The following ARFGEF3 variants were observed in gnomAD, a reference collection of about 807,000 sequenced individuals.
The protein encoded by ARFGEF3 is brefeldin A-inhibited guanine nucleotide-exchange protein 3.
Under a neutral mutation model 221.7 loss-of-function variants are expected in ARFGEF3, and 96 were observed. That is an observed-to-expected ratio of 0.43 (90% CI 0.37 to 0.51). The LOEUF is 0.51. Among genes scored for constraint, ARFGEF3 ranks in the 20% least tolerant of loss-of-function variants. The pLI, the probability that ARFGEF3 is intolerant of heterozygous loss-of-function variation, is 0.00. For synonymous variants in ARFGEF3, 1,145 were observed against 1,126.8 expected, an observed-to-expected ratio of 1.02 and a Z score of -0.32; for missense variants, 2,410 against 2,789.9, an observed-to-expected ratio of 0.86 and a Z score of 3.07.
chr6:138,287,814 T>C (rs1400719451), intron 17 of ARFGEF3, among the ~76,000 whole-genome samples: 5 of 152,114 alleles, frequency 3.3e-5, no homozygotes, highest in African/African-American at 1.2e-4. Flanking sequence ...GTAACTACTA[T>C]CAGATATGTA....
At position 138,201,201 on chromosome 6, in the gene ARFGEF3, A is replaced by G. The variant is rs187686764; in HGVS notation, c.138-5841A>G. Among the ~76,000 whole-genome samples the G allele has an allele frequency of 5.5e-3, 839 of 152,350 alleles. 3 individuals carry two copies. Among genetic ancestry groups the G allele is most frequent in the South Asian group, 0.012 (56 of 4,822 alleles). Reference sequence around the variant, plus strand: ...TTTTTGTGGATGTGGTTATCAGGGAACACTTCTACACTGCTGGTGGGAATG... The same window carrying G: ...TTTTTGTGGATGTGGTTATCAGGGAGCACTTCTACACTGCTGGTGGGAATG... On this transcript the variant is annotated intron_variant, in intron 2 of 33. Transcript: ENST00000251691.
intron 2 of ARFGEF3, among the ~76,000 whole-genome samples, chr6:138,203,210 A>G (rs1010863878): frequency 6.6e-6 from 1 of 152,196 alleles, no homozygotes; most frequent in South Asian, 2.1e-4. Context: ...AAGCACATCT[A>G]TTCTAGTTTT....
chr6:138,286,677 G>T, intron 15 of ARFGEF3, 24 bp from the exon 16 acceptor site: 1 of 1,608,836 alleles, frequency 6.2e-7, no homozygotes, highest in South Asian at 1.1e-5. Context: ...TCTAGAAAAT[G>T]ACACACACCC....
chr6:138,278,551 C>T lies in ARFGEF3; in HGVS notation c.2229C>T (p.Leu743=), dbSNP rs776381980. The change falls in exon 13 of 34, where the codon CTC becomes CTT. Residue 743 remains leucine (L), a synonymous_variant. Coordinates refer to ENST00000251691, the MANE Select transcript of ARFGEF3 (RefSeq NM_020340.5). ...ACACAGCTGCACACTGCGCCCTGCT[C>T]CTCAACCTGAAGCTCTCCCACGGTG... ...SLYTAAHCAL[L]LNLKLSHGDY... is the part of the protein sequence containing the mutation. 1 of 1,613,980 alleles carries T rather than the reference C, an allele frequency of 6.2e-7. No homozygotes were observed. Among genetic ancestry groups the T allele is most frequent in the Admixed American group, 1.7e-5 (1 of 60,032 alleles).
At chr6:138,301,550 T>C (rs1280747691) in intron 22 of ARFGEF3, among the ~76,000 whole-genome samples, 1 of 152,198 alleles carries the variant, frequency 6.6e-6, no homozygotes, top group Non-Finnish European at 1.5e-5. Flanking sequence ...TCAATCTTGC[T>C]TGCCTAAAGT....
intron 12 of ARFGEF3, among the ~76,000 whole-genome samples, chr6:138,270,305 T>A (rs1013416221): frequency 6.6e-6 from 1 of 152,198 alleles, no homozygotes; most frequent in African/African-American, 2.4e-5. Context: ...CTTATTGTAA[T>A]GTCATTGGTG....
intron 24 of ARFGEF3, 56 bp downstream of exon 24, chr6:138,308,917 G>A (rs1779775844): frequency 6.8e-6 from 11 of 1,607,440 alleles, no homozygotes; most frequent in Non-Finnish European, 8.5e-6. Flanking sequence ...TTCCAGGGTG[G>A]CTCTGTGGCT....
intron 2 of ARFGEF3, among the ~76,000 whole-genome samples, chr6:138,173,096 T>C (rs1341973862): frequency 6.6e-6 from 1 of 152,112 alleles, no homozygotes; most frequent in Non-Finnish European, 1.5e-5. Context: ...ATACAATAAG[T>C]TCAAGGAGAA....
At chr6:138,268,453 T>A (rs72986877) in intron 12 of ARFGEF3, among the ~76,000 whole-genome samples, 5 of 152,330 alleles carry the variant, frequency 3.3e-5, no homozygotes, top group Non-Finnish European at 7.3e-5. Flanking sequence ...TCTCAGTGAC[T>A]CCTATCTTCA....
intron 2 of ARFGEF3, among the ~76,000 whole-genome samples, chr6:138,203,722 A>G (rs1777577564): frequency 1.3e-5 from 2 of 152,154 alleles, no homozygotes; most frequent in Admixed American, 6.5e-5. Flanking sequence ...GCTCACTGCA[A>G]CGCCTGCCTC....
At chr6:138,177,694 A>G (rs926475312) in intron 2 of ARFGEF3, among the ~76,000 whole-genome samples, 12 of 151,910 alleles carry the variant, frequency 7.9e-5, no homozygotes, top group Non-Finnish European at 1.2e-4. Flanking sequence ...GCCTCACTGT[A>G]TTATTTCAAA....
Position 138,342,361 on chromosome 6 carries a change from T to C in ARFGEF3, c.*5875T>C, listed in dbSNP as rs1158030721. ...CTACCTTTAAGATCAGCCTGACTTATCAAACGCTAGAGAAAAACTGAATCT... is the reference window on the plus strand; with the variant it reads ...CTACCTTTAAGATCAGCCTGACTTACCAAACGCTAGAGAAAAACTGAATCT... On this transcript the variant is annotated 3_prime_UTR_variant, in exon 34 of 34. Coordinates refer to ENST00000251691, the MANE Select transcript of ARFGEF3 (RefSeq NM_020340.5). 1 of 152,230 alleles carries C rather than the reference T, an allele frequency of 6.6e-6. No homozygotes were observed. Among genetic ancestry groups the C allele is most frequent in the Non-Finnish European group, 1.5e-5 (1 of 68,050 alleles). The allele number at this position is 152,230 out of a possible 1,614,324, so 9.4% of individuals were successfully genotyped here. A position where few individuals can be genotyped will look rare whatever the true frequency, so the allele number is the denominator to read the frequency against.
chr6:138,291,654 TTGTC>T lies in ARFGEF3; in HGVS notation c.3048-76_3048-73del. The T allele has an allele frequency of 9.5e-7, 1 of 1,053,474 alleles. No homozygotes were observed. The highest frequency in any genetic ancestry group is 1.2e-6 in the Non-Finnish European group (1 of 803,270). 65.3% of individuals were successfully genotyped at this position (1,053,474 alleles called of 1,614,324 possible). A position where few individuals can be genotyped will look rare whatever the true frequency, so the allele number is the denominator to read the frequency against. ...GCTTGCAGAGCTGGCTGCATTTCCT[TTGTC>T]TGGCACTGTGGGGTTTATGGAGCTG... is the stretch of plus-strand genomic sequence containing the variant. On this transcript the variant is annotated intron_variant, in intron 18 of 33. Transcript: ENST00000251691. The surrounding 1 kb of genome is among the most constrained non-coding windows in gnomAD (Gnocchi z 4.5).
chr6:138,263,803 C>T (rs1259103657), intron 12 of ARFGEF3, among the ~76,000 whole-genome samples, 192 bp downstream of exon 12: 1 of 152,140 alleles, frequency 6.6e-6, no homozygotes, highest in African/African-American at 2.4e-5. Flanking sequence ...CTACAGCAGT[C>T]GATGGCTGGA....
chr6:138,199,385 G>A (rs978732670), intron 2 of ARFGEF3, among the ~76,000 whole-genome samples: 2 of 152,172 alleles, frequency 1.3e-5, no homozygotes, highest in Non-Finnish European at 2.9e-5. Flanking sequence ...CCTCAGAAAT[G>A]TAAGATATCT....
intron 2 of ARFGEF3, among the ~76,000 whole-genome samples, chr6:138,190,363 A>T (rs1269653232): frequency 6.6e-6 from 1 of 151,878 alleles, no homozygotes; most frequent in African/African-American, 2.4e-5. Flanking sequence ...AGTGTGGAGC[A>T]GGGTGGCATT....
In ARFGEF3 at chr6:138,336,690, G is replaced by T. The variant is rs544611906; in HGVS notation, c.*204G>T. The T allele has an allele frequency of 2.5e-6, 1 of 401,510 alleles. No individual in the cohort carries two copies. Among genetic ancestry groups the T allele is most frequent in the Non-Finnish European group, 4.4e-6 (1 of 227,582 alleles). 24.9% of individuals were successfully genotyped at this position (401,510 alleles called of 1,614,324 possible). On this transcript the variant is annotated 3_prime_UTR_variant, in exon 34 of 34. Coordinates refer to ENST00000251691, the MANE Select transcript of ARFGEF3 (RefSeq NM_020340.5). Reference sequence around the variant, plus strand: ...AGGTTTGTATCTAGATGACACAAACGATATTCTGATTTTGCACATTATTAT... The same window carrying T: ...AGGTTTGTATCTAGATGACACAAACTATATTCTGATTTTGCACATTATTAT...
intron 11 of ARFGEF3, among the ~76,000 whole-genome samples, chr6:138,261,866 A>G (rs1333996001): frequency 6.6e-6 from 1 of 152,220 alleles, no homozygotes; most frequent in Non-Finnish European, 1.5e-5. Context: ...TGAAATATAC[A>G]ATAATTATTC....
At chr6:138,215,083 G>C (rs996015178) in intron 4 of ARFGEF3, among the ~76,000 whole-genome samples, 8 of 152,208 alleles carry the variant, frequency 5.3e-5, no homozygotes, top group Admixed American at 3.3e-4. Context: ...ATTTTCCTAT[G>C]GTGTGTGCTA....
Sources: allele counts gnomAD v4.1 joint callset (sites outside exome capture counted in the v4.1 genomes callset), GRCh38; gene constraint gnomAD v4.1.1; non-coding constraint Gnocchi (gnomAD v3.1); transcripts MANE v1.5; gene names NCBI Gene and HGNC (gene_info 2026-07-23, HGNC 2026-07-21).